The following EYS variants were observed in gnomAD, a reference collection of about 807,000 sequenced individuals.
EYS encodes the protein protein eyes shut homolog.
A neutral mutation model predicts 282.1 loss-of-function variants in EYS; 250 were observed. The ratio of observed to expected loss-of-function variants is 0.89; its 90% CI spans 0.80 to 0.98. The LOEUF (loss-of-function observed/expected upper bound fraction) is 0.98. Among genes scored for constraint, EYS ranks in the 50% least tolerant of loss-of-function variants. The pLI is 0.00. For missense variants in EYS, 4,016 were observed against 3,709.0 expected (o/e 1.08, Z -2.15); for synonymous variants, 1,355 against 1,282.9 (o/e 1.06, Z -1.20).
chr6:64,691,963 G>A (rs1047972021), intron 22 of EYS, among the ~76,000 whole-genome samples: 10 of 152,100 alleles, frequency 6.6e-5, no homozygotes, highest in Non-Finnish European at 1.2e-4. Context: ...ACAAACACAC[G>A]AGTCCATGTG....
intron 26 of EYS, among the ~76,000 whole-genome samples, chr6:64,503,590 C>G (rs1355575917): frequency 6.6e-6 from 1 of 152,182 alleles, no homozygotes; most frequent in Non-Finnish European, 1.5e-5. Context: ...CTCCCTAACT[C>G]TTGTAATGCA....
intron 28 of EYS, among the ~76,000 whole-genome samples, chr6:64,402,081 C>G (rs535855395): frequency 1.3e-5 from 2 of 152,016 alleles, no homozygotes; most frequent in Non-Finnish European, 2.9e-5. Context: ...ATCCTGTTTC[C>G]CCACTTGCCA....
At chr6:65,572,768 C>T (rs1350128587) in intron 2 of EYS, among the ~76,000 whole-genome samples, 8 of 151,962 alleles carry the variant, frequency 5.3e-5, no homozygotes, top group Admixed American at 1.3e-4. Flanking sequence ...TTTTGCTAAG[C>T]GAAACATTAA....
At chr6:63,916,219 C>T (rs569064132) in intron 35 of EYS, among the ~76,000 whole-genome samples, 3 of 152,288 alleles carry the variant, frequency 2.0e-5, no homozygotes, top group South Asian at 4.1e-4. Flanking sequence ...CCTCTACCTG[C>T]GGAAAGATGA....
intron 26 of EYS, among the ~76,000 whole-genome samples, chr6:64,454,000 A>G (rs1207687931): frequency 2.0e-5 from 3 of 152,136 alleles, no homozygotes; most frequent in Admixed American, 6.6e-5. Context: ...TAAAACTTAA[A>G]GTATAATAAT....
intron 13 of EYS, among the ~76,000 whole-genome samples, chr6:65,048,983 T>C (rs1168927727): frequency 6.6e-6 from 1 of 151,786 alleles, no homozygotes; most frequent in African/African-American, 2.4e-5. Context: ...AGATTTTAGG[T>C]GCCTTGTCAC....
chr6:64,511,975 A>G (rs1413090662), intron 26 of EYS, among the ~76,000 whole-genome samples: 1 of 152,086 alleles, frequency 6.6e-6, no homozygotes, highest in Non-Finnish European at 1.5e-5. Flanking sequence ...GACCATCAAT[A>G]GTTCCTGCTA....
At chr6:65,687,265 G>T (rs900133429) in intron 1 of EYS, among the ~76,000 whole-genome samples, 10 of 151,924 alleles carry the variant, frequency 6.6e-5, no homozygotes, top group Admixed American at 5.9e-4. Flanking sequence ...AAAATGCAAG[G>T]TTATATATGC....
intron 31 of EYS, among the ~76,000 whole-genome samples, chr6:64,125,755 C>T (rs1178708137): frequency 1.4e-5 from 2 of 138,920 alleles, no homozygotes; most frequent in African/African-American, 2.8e-5. Context: ...CACTGCACTC[C>T]AGCCTGGGCG....
Position 64,055,608 on chromosome 6 carries a change from G to C in EYS, c.6725+10730C>G, listed in dbSNP as rs76944357. 2.0e-5 allele frequency among the ~76,000 whole-genome samples: 3 copies of C among 152,240 alleles called. No individual in the cohort carries two copies. In the East Asian group the frequency reaches 5.8e-4, roughly 29 times the overall value. ...CCCAGGTATACCCTACTTGGGCTGT[G>C]CTGTATGTTCTAATGATATATCAGT... On this transcript the variant is annotated intron_variant, in intron 33 of 42. Coordinates refer to ENST00000503581, the MANE Select transcript of EYS (RefSeq NM_001142800.2).
intron 2 of EYS, among the ~76,000 whole-genome samples, chr6:65,536,438 G>A (rs1007798189): frequency 1.3e-5 from 2 of 151,840 alleles, no homozygotes; most frequent in East Asian, 3.9e-4. Flanking sequence ...AGACTAATAA[G>A]TTGAATGAAT....
At chr6:64,774,750 C>T (rs1187351542) in intron 22 of EYS, among the ~76,000 whole-genome samples, 1 of 151,814 alleles carries the variant, frequency 6.6e-6, no homozygotes, top group African/African-American at 2.4e-5. Flanking sequence ...TTGAAACTTC[C>T]CACTGTAAAA....
chr6:65,415,450 A>C (rs1170788012), intron 5 of EYS, among the ~76,000 whole-genome samples: 1 of 152,076 alleles, frequency 6.6e-6, no homozygotes. Context: ...GAGGTCTTAG[A>C]GGTTGTCAGG....
At chr6:64,777,975 A>G (rs1050233710) in intron 22 of EYS, among the ~76,000 whole-genome samples, 4 of 152,150 alleles carry the variant, frequency 2.6e-5, no homozygotes, top group African/African-American at 9.7e-5. Flanking sequence ...TTCCAACCCA[A>G]TTAAACAACA....
At chr6:65,175,180 G>A (rs1765196261) in intron 12 of EYS, among the ~76,000 whole-genome samples, 1 of 151,436 alleles carries the variant, frequency 6.6e-6, no homozygotes, top group South Asian at 2.1e-4. Flanking sequence ...AGTAGGTCAA[G>A]AAAAGGAAAG....
chr6:65,438,665 A>C (rs1188612137), intron 5 of EYS, among the ~76,000 whole-genome samples: 2 of 151,892 alleles, frequency 1.3e-5, no homozygotes, highest in Admixed American at 6.6e-5. Context: ...TCTTTTGAGA[A>C]GTGTCTGTTC....
chr6:64,053,373 AC>A (rs1374470166), intron 33 of EYS, among the ~76,000 whole-genome samples: 1 of 152,164 alleles, frequency 6.6e-6, no homozygotes, highest in East Asian at 1.9e-4. Flanking sequence ...AGAATTAAAA[AC>A]ATAAGAAAAT....
intron 22 of EYS, among the ~76,000 whole-genome samples, chr6:64,775,440 G>A (rs1000598447): frequency 2.6e-5 from 4 of 151,926 alleles, no homozygotes; most frequent in Admixed American, 2.6e-4. Flanking sequence ...CCACCGCACG[G>A]CAAGTTATTA....
At chr6:65,627,492 G>A (rs1205961636) in intron 2 of EYS, among the ~76,000 whole-genome samples, 1 of 152,146 alleles carries the variant, frequency 6.6e-6, no homozygotes, top group Non-Finnish European at 1.5e-5. Context: ...GCCAAGGCTG[G>A]AGCCCACTCC....
Sources: gnomAD v4.1 joint callset for allele counts (sites outside exome capture counted in the v4.1 genomes callset) on GRCh38, gnomAD v4.1.1 for gene constraint, MANE v1.5 for transcripts, NCBI Gene and HGNC (gene_info 2026-07-23, HGNC 2026-07-21) for gene names.